The following ZSWIM6 variants were observed in gnomAD, a reference collection of about 807,000 sequenced individuals.
ZSWIM6 encodes the protein zinc finger SWIM domain-containing protein 6.
In ZSWIM6, 9 loss-of-function variants were observed where a neutral mutation model predicts 113.2. The observed-to-expected ratio is 0.08, with a 90% CI of 0.05 to 0.14. ZSWIM6 has a LOEUF of 0.14. ZSWIM6 is among the 10% of genes least tolerant of loss of function. The pLI, the probability that ZSWIM6 is intolerant of heterozygous loss-of-function variation, is 1.00. For synonymous variants in ZSWIM6, 611 were observed against 606.5 expected (o/e 1.01, Z -0.11); for missense variants, 1,162 against 1,552.2 (o/e 0.75, Z 4.22).
chr5:61,485,113 TCTC>T (rs1747981815), intron 2 of ZSWIM6, among the ~76,000 whole-genome samples: 1 of 152,142 alleles, frequency 6.6e-6, no homozygotes, highest in Non-Finnish European at 1.5e-5. Flanking sequence ...CAGTACTTGA[TCTC>T]CTGATAGTGG....
At chr5:61,521,667 A>T (rs866411394) in intron 5 of ZSWIM6, among the ~76,000 whole-genome samples, 2 of 152,136 alleles carry the variant, frequency 1.3e-5, no homozygotes, top group Non-Finnish European at 1.5e-5. Flanking sequence ...ATATGGATGG[A>T]TATAATACTT....
chr5:61,334,905 T>C (rs866945645), intron 1 of ZSWIM6, among the ~76,000 whole-genome samples: 54 of 152,094 alleles, frequency 3.6e-4, no homozygotes, highest in Non-Finnish European at 4.9e-4. Flanking sequence ...TTTTTTTTTT[T>C]TCCCCCTCCC....
At chr5:61,379,236 G>C (rs1579963910) in intron 1 of ZSWIM6, among the ~76,000 whole-genome samples, 1 of 142,592 alleles carries the variant, frequency 7.0e-6, no homozygotes, top group South Asian at 2.3e-4. Flanking sequence ...ATAAAGAATA[G>C]TTTGGAAGTT....
At chr5:61,426,018 A>G (rs538838855) in intron 1 of ZSWIM6, among the ~76,000 whole-genome samples, 211 of 152,332 alleles carry the variant, frequency 1.4e-3, no homozygotes, top group Non-Finnish European at 2.1e-3. Flanking sequence ...ATACAATAAC[A>G]AAATGCCTTC....
chr5:61,530,167 T>C lies in ZSWIM6; in HGVS notation c.1953T>C (p.Asp651=), dbSNP rs939854361. 5 of 1,551,812 alleles carry C rather than the reference T, an allele frequency of 3.2e-6. No homozygotes were observed. In the African/African-American group the frequency reaches 6.8e-5, roughly 21 times the overall value. ...TTATGGAAGCCTGCCGCATTGATGA[T>C]GAGAACCTCTCTGGGTTCTCAGATT... The part of the protein sequence containing the change: ...SSLMEACRID[D]ENLSGFSDFT... The change falls in exon 8 of 14, where the codon GAT becomes GAC. Residue 651 remains aspartate (D), a synonymous_variant. Transcript: ENST00000252744.
chr5:61,534,461 T>C (rs1749521398), intron 9 of ZSWIM6, among the ~76,000 whole-genome samples: 1 of 152,198 alleles, frequency 6.6e-6, no homozygotes, highest in Admixed American at 6.5e-5. Context: ...TTTCTTGCAT[T>C]CTAAACTCTT....
intron 4 of ZSWIM6, among the ~76,000 whole-genome samples, chr5:61,519,209 C>G (rs1286320560): frequency 5.3e-5 from 8 of 152,136 alleles, no homozygotes; most frequent in African/African-American, 1.9e-4. Context: ...TTTTCAAAAC[C>G]TTGGTTATGC....
intron 1 of ZSWIM6, among the ~76,000 whole-genome samples, chr5:61,455,216 A>G (rs1005946584): frequency 3.3e-5 from 5 of 152,206 alleles, no homozygotes; most frequent in Non-Finnish European, 5.9e-5. Flanking sequence ...ACTACATCAT[A>G]TATTTCTAGT....
intron 1 of ZSWIM6, among the ~76,000 whole-genome samples, chr5:61,356,757 TATA>T (rs1444630930): frequency 5.0e-5 from 7 of 139,786 alleles, no homozygotes; most frequent in African/African-American, 1.1e-4. Context: ...ATATATTATA[TATA>T]ATATGTATAA....
chr5:61,400,024 A>G (rs1309246492), intron 1 of ZSWIM6, among the ~76,000 whole-genome samples: 1 of 152,118 alleles, frequency 6.6e-6, no homozygotes, highest in Non-Finnish European at 1.5e-5. Flanking sequence ...AACCTTCCTG[A>G]GGGGCATGGA....
At position 61,358,687 on chromosome 5, in the gene ZSWIM6, G is replaced by A. The variant is rs148141143; in HGVS notation, c.676+25739G>A. On this transcript the variant is annotated intron_variant, in intron 1 of 13. Transcript: ENST00000252744. ...TACTTGAGAGCTTTTACCAGTACAA[G>A]GAAATGCTGCTAGTAAAAATTTGGA... Among the ~76,000 whole-genome samples the A allele has an allele frequency of 4.1e-4, 63 of 152,314 alleles. 1 individual carries two copies. In the East Asian group the frequency reaches 0.011, roughly 28 times the overall value.
At chr5:61,501,217 C>A (rs1748457802) in intron 4 of ZSWIM6, among the ~76,000 whole-genome samples, 1 of 152,238 alleles carries the variant, frequency 6.6e-6, no homozygotes, top group South Asian at 2.1e-4. Context: ...GGTCATAGAC[C>A]TCGGAGTTCT....
intron 1 of ZSWIM6, chr5:61,391,725 G>A (rs1439609047): frequency 1.1e-5 from 13 of 1,152,078 alleles, no homozygotes. Context: ...TGCCAGCCTT[G>A]TATCCCAGGA....
At chr5:61,514,017 A>G (rs1748865258) in intron 4 of ZSWIM6, among the ~76,000 whole-genome samples, 1 of 152,118 alleles carries the variant, frequency 6.6e-6, no homozygotes, top group African/African-American at 2.4e-5. Flanking sequence ...ATATAGATCA[A>G]TTTGGGGAAA....
At chr5:61,419,863 C>T (rs1338082503) in intron 1 of ZSWIM6, among the ~76,000 whole-genome samples, 1 of 152,118 alleles carries the variant, frequency 6.6e-6, no homozygotes, top group Non-Finnish European at 1.5e-5. Flanking sequence ...GTTAGGTGTG[C>T]AATTGTGTTA....
Position 61,472,994 on chromosome 5 carries a change from A to T in ZSWIM6, c.990A>T (p.Ala330=), listed in dbSNP as rs948198249. Residue 330 remains alanine (A), a synonymous_variant, in exon 2 of 14, where the codon GCA becomes GCT. Coordinates refer to ENST00000252744, the MANE Select transcript of ZSWIM6 (RefSeq NM_020928.2). This position sits in a 1 kb window ranked among gnomAD's most constrained non-coding sequence, Gnocchi z 4.1. ...TEVLPTAQKL[A]DEILSQNSEI... ...TTTTGCCAACTGCTCAAAAATTAGCAGATGAAATTCTTTCCCAAAATTCAG... is the reference window on the plus strand; with the variant it reads ...TTTTGCCAACTGCTCAAAAATTAGCTGATGAAATTCTTTCCCAAAATTCAG... 1.0e-5 allele frequency: 16 copies of T among 1,540,482 alleles called. No individual in the cohort carries two copies. The highest frequency in any genetic ancestry group is 1.7e-4 in the Middle Eastern group (1 of 5,974).
rs564918138 is a variant in ZSWIM6, at chr5:61,380,584, G to T, written c.676+47636G>T. 3.3e-5 allele frequency among the ~76,000 whole-genome samples: 5 copies of T among 152,304 alleles called. No homozygotes were observed. In the South Asian group the frequency reaches 1.0e-3, roughly 32 times the overall value. On this transcript the variant is annotated intron_variant, in intron 1 of 13. Transcript: ENST00000252744. ...TATGAAGCCTGAGAGTCCTTTCTGT[G>T]TGTCAAGTCAGGAGGTGTAGGTGTA...
intron 1 of ZSWIM6, among the ~76,000 whole-genome samples, chr5:61,434,932 T>C (rs148519901): frequency 1.3e-5 from 2 of 152,162 alleles, no homozygotes; most frequent in African/African-American, 4.8e-5. Flanking sequence ...ATAAGGTTTA[T>C]GAAAATACAA....
At chr5:61,354,319 G>A (rs1370016368) in intron 1 of ZSWIM6, among the ~76,000 whole-genome samples, 1 of 152,110 alleles carries the variant, frequency 6.6e-6, no homozygotes, top group Admixed American at 6.5e-5. Flanking sequence ...ACTTATTAAG[G>A]TACATGTTTT....
Sources: gnomAD v4.1 joint callset for allele counts (sites outside exome capture counted in the v4.1 genomes callset) on GRCh38, gnomAD v4.1.1 for gene constraint, Gnocchi (gnomAD v3.1) non-coding constraint, MANE v1.5 for transcripts, NCBI Gene and HGNC (gene_info 2026-07-23, HGNC 2026-07-21) for gene names.